The following PRR14L variants were observed in gnomAD, a reference collection of about 807,000 sequenced individuals.
PRR14L encodes the protein proline rich 14 like.
In PRR14L, 80 loss-of-function variants were observed where a neutral mutation model predicts 155.0. The ratio of observed to expected loss-of-function variants is 0.52; its 90% CI spans 0.43 to 0.62. PRR14L has a LOEUF of 0.62. Among genes scored for constraint, PRR14L ranks in the 20% least tolerant of loss-of-function variants. PRR14L has a pLI of 0.00. For synonymous variants in PRR14L, 883 were observed against 916.0 expected (o/e 0.96, Z 0.65); for missense variants, 2,469 against 2,548.0 (o/e 0.97, Z 0.67).
intron 3 of PRR14L, among the ~76,000 whole-genome samples, chr22:31,720,073 A>G (rs1208932301): frequency 6.6e-6 from 1 of 152,022 alleles, no homozygotes; most frequent in Non-Finnish European, 1.5e-5. Flanking sequence ...GGTTTCTTTT[A>G]TTGTAAAAGG....
Position 31,717,282 on chromosome 22 carries a change from A to G in PRR14L, c.557T>C (p.Val186Ala), listed in dbSNP as rs188805566. The change falls in exon 4 of 9, where the codon GTA becomes GCA. Residue 186 changes from valine to alanine, a missense_variant. Physicochemically the swap from Val to Ala is moderately conservative, Grantham distance 64. Around this residue, in one of 2 missense-constraint regions of PRR14L, gnomAD observed 2,363 missense variants for 2,371.6 expected, o/e 1.00. Transcript: ENST00000327423. The part of the protein sequence containing the change: ...EDFLRSKEGN[V>A]QITAETLLKS... ...TAGCAGAGTTTCAGCTGTAATCTGT[A>G]CATTTCCTTCTGAATAAGAGAAATA... is the stretch of plus-strand genomic sequence containing the variant. 1 of 1,541,638 alleles carries G rather than the reference A, an allele frequency of 6.5e-7. No homozygotes were observed. Among genetic ancestry groups the G allele is most frequent in the Non-Finnish European group, 8.8e-7 (1 of 1,141,974 alleles).
At position 31,683,116 on chromosome 22, in the gene PRR14L, T is replaced by C. The variant is rs778433089; in HGVS notation, c.*2411A>G. The C allele has an allele frequency of 1.3e-5, 2 of 152,236 alleles. No individual in the cohort carries two copies. Among genetic ancestry groups the C allele is most frequent in the African/African-American group, 2.4e-5 (1 of 41,440 alleles). 9.4% of individuals were successfully genotyped at this position (152,236 alleles called of 1,614,324 possible). A position where few individuals can be genotyped will look rare whatever the true frequency, so the allele number is the denominator to read the frequency against. On this transcript the variant is annotated 3_prime_UTR_variant, in exon 9 of 9. Transcript: ENST00000327423. ...GCCTCACAACAACTCCTCTCCTACA[T>C]TGTCAGGACAGGGAAGGAGCCCAGC...
intron 2 of PRR14L, among the ~76,000 whole-genome samples, chr22:31,725,961 G>A (rs2074714457): frequency 6.6e-6 from 1 of 151,968 alleles, no homozygotes; most frequent in Non-Finnish European, 1.5e-5. Context: ...GAGCCACCAC[G>A]CCTGGCTGAA....
intron 2 of PRR14L, among the ~76,000 whole-genome samples, chr22:31,727,704 G>A (rs780449563): frequency 7.2e-5 from 11 of 152,156 alleles, no homozygotes; most frequent in Middle Eastern, 6.8e-3. Flanking sequence ...AATCAGGGCC[G>A]GGTGCAGTGG....
At chr22:31,731,093 C>T (rs936753491) in intron 2 of PRR14L, among the ~76,000 whole-genome samples, 1 of 152,116 alleles carries the variant, frequency 6.6e-6, no homozygotes, top group African/African-American at 2.4e-5. Flanking sequence ...GCACATCTTG[C>T]GTTTTTCCCT....
intron 4 of PRR14L, 80 bp from the exon 5 acceptor site, chr22:31,704,806 T>G: frequency 1.0e-6 from 1 of 971,838 alleles, no homozygotes; most frequent in Non-Finnish European, 1.6e-6. Flanking sequence ...TTGTGGGTAT[T>G]AGCACATGAT....
rs530325712 is a variant in PRR14L at position 31,737,201 on chromosome 22, C to A, written c.474+1186G>T. ...TCCTTTAAGAATTTGGAGGGCCCAG[C>A]AGGGTACGGTGGCTCACGCCTATAA... On this transcript the variant is annotated intron_variant, in intron 2 of 8. Transcript: ENST00000327423. Among the ~76,000 whole-genome samples, 15 of 152,136 alleles carry A rather than the reference C, an allele frequency of 9.9e-5. No individual in the cohort carries two copies. In the South Asian group the frequency reaches 3.1e-3, roughly 32 times the overall value.
intron 4 of PRR14L, among the ~76,000 whole-genome samples, chr22:31,705,776 G>A (rs1204664466): frequency 6.6e-6 from 1 of 151,824 alleles, no homozygotes; most frequent in Admixed American, 6.6e-5. Context: ...GAGGTGGGCA[G>A]ATCACTTGAG....
At chr22:31,717,926 ATTT>A (rs531724278) in intron 3 of PRR14L, among the ~76,000 whole-genome samples, 2 of 134,500 alleles carry the variant, frequency 1.5e-5, no homozygotes, top group African/African-American at 2.8e-5. Flanking sequence ...CCCCCAGCTA[ATTT>A]TTTTTTTTTT....
intron 3 of PRR14L, among the ~76,000 whole-genome samples, chr22:31,719,482 A>C (rs1415926144): frequency 2.0e-5 from 3 of 152,152 alleles, no homozygotes; most frequent in Admixed American, 6.6e-5. Flanking sequence ...AAACTCTGTG[A>C]GGGTAAGGAT....
rs1386964648 is a variant in PRR14L, at chr22:31,715,016, C to T, written c.2823G>A (p.Val941=). The part of the protein sequence containing the change: ...QTVNIPGPEK[V]LDQSPTVMFS... ...ACATAACAGTAGGAGACTGGTCCAA[C>T]ACTTTTTCAGGACCTGGAATGTTTA... Residue 941 remains valine (V), a synonymous_variant, in exon 4 of 9, where the codon GTG becomes GTA. Coordinates refer to ENST00000327423, the MANE Select transcript of PRR14L (RefSeq NM_173566.3). 47 of 1,551,970 alleles carry T rather than the reference C, an allele frequency of 3.0e-5. No homozygotes were observed. The highest frequency in any genetic ancestry group is 3.7e-5 in the Non-Finnish European group (42 of 1,147,044).
rs548823695 is a variant in PRR14L at position 31,718,244 on chromosome 22, TG to T, written c.548-954del. Among the ~76,000 whole-genome samples, 62 of 146,870 alleles carry T rather than the reference TG, an allele frequency of 4.2e-4. 1 individual carries two copies. The South Asian group carries it at 8.0e-3, about 19-fold the overall frequency. On this transcript the variant is annotated intron_variant, in intron 3 of 8. Transcript: ENST00000327423. ...CGCCCGGCCCGCCCAGCTAATTTTT[TG>T]GGGGGGTTTTTGTTTTTGTTTTTGT...
intron 2 of PRR14L, among the ~76,000 whole-genome samples, chr22:31,730,511 A>G (rs901345769): frequency 6.6e-6 from 1 of 152,056 alleles, no homozygotes; most frequent in African/African-American, 2.4e-5. Context: ...TATTGGGGGC[A>G]GTGTCCTATC....
Position 31,685,544 on chromosome 22 carries a change from G to C in PRR14L, c.6439C>G (p.Gln2147Glu). 6.4e-7 allele frequency: 1 copy of C among 1,550,694 alleles called. No homozygotes were observed. The highest frequency in any genetic ancestry group is 8.7e-7 in the Non-Finnish European group (1 of 1,146,240). Residue 2147 changes from glutamine (Q) to glutamate (E), a missense_variant, in exon 9 of 9, where the codon CAA (glutamine) becomes GAA (glutamate). Coordinates refer to ENST00000327423, the MANE Select transcript of PRR14L (RefSeq NM_173566.3). The part of the protein sequence containing the change: ...TFFAKEEEQE[Q>E]SSGC ...ATCGCTTCTCAACAGCCTGATGATT[G>C]TTCCTGCTCCTCTTCCTTGGCAAAG...
chr22:31,716,848 T>C lies in PRR14L; in HGVS notation c.991A>G (p.Thr331Ala). 2 of 1,551,846 alleles carry C rather than the reference T, an allele frequency of 1.3e-6. No individual in the cohort carries two copies. The highest frequency in any genetic ancestry group is 2.4e-5 in the East Asian group (1 of 40,918). ...TTTTCTTTCAAAGGGCTTGTGGCTGTGGGACTATCATGTGTAGAACTGGGT... is the reference window on the plus strand; with the variant it reads ...TTTTCTTTCAAAGGGCTTGTGGCTGCGGGACTATCATGTGTAGAACTGGGT... Reference protein sequence around the residue: ...EQPSSTHDSPTATSPLKENSE... With the variant: ...EQPSSTHDSPAATSPLKENSE... The change falls in exon 4 of 9, where the codon ACA (threonine) becomes GCA (alanine). Residue 331 changes from threonine to alanine, a missense_variant. Around this residue, in one of 2 missense-constraint regions of PRR14L, gnomAD observed 2,363 missense variants for 2,371.6 expected, o/e 1.00. Transcript: ENST00000327423.
chr22:31,743,103 C>T (rs1462693782), intron 1 of PRR14L, among the ~76,000 whole-genome samples: 1 of 152,046 alleles, frequency 6.6e-6, no homozygotes, highest in Non-Finnish European at 1.5e-5. Flanking sequence ...GAGTTCGAGA[C>T]CATCCTGGGT....
chr22:31,720,156 A>C (rs1444240992), intron 3 of PRR14L, among the ~76,000 whole-genome samples: 1 of 152,184 alleles, frequency 6.6e-6, no homozygotes, highest in Non-Finnish European at 1.5e-5. Flanking sequence ...GTCATGTGGG[A>C]CAGTGCCTGC....
chr22:31,749,377 T>C (rs760450379), intron 1 of PRR14L, among the ~76,000 whole-genome samples: 5 of 151,926 alleles, frequency 3.3e-5, no homozygotes, highest in African/African-American at 4.8e-5. Flanking sequence ...GGGAGAAAGG[T>C]TGATTTCTGA....
In PRR14L at chr22:31,682,844, G is replaced by C. The variant is rs1282582022; in HGVS notation, c.*2683C>G. The stretch of plus-strand genomic sequence containing the variant: ...GCTCTGGGCAGGTGGTGTGCCAGCA[G>C]CCGATTACCATGTCCCATCGTGGTT... On this transcript the variant is annotated 3_prime_UTR_variant, in exon 9 of 9. Coordinates refer to ENST00000327423, the MANE Select transcript of PRR14L (RefSeq NM_173566.3). 1.3e-5 allele frequency: 2 copies of C among 152,200 alleles called. No homozygotes were observed. Among genetic ancestry groups the C allele is most frequent in the East Asian group, 3.9e-4 (2 of 5,192 alleles). The allele number at this position is 152,200 out of a possible 1,614,324, so 9.4% of individuals were successfully genotyped here.
Sources: gnomAD v4.1 joint callset for allele counts (sites outside exome capture counted in the v4.1 genomes callset) on GRCh38, gnomAD v4.1.1 for gene constraint, gnomAD v4.1.1 regional missense constraint, MANE v1.5 for transcripts, NCBI Gene and HGNC (gene_info 2026-07-23, HGNC 2026-07-21) for gene names.